Variants in KIF5C observed in about 807,000 individuals in gnomAD.
The protein encoded by KIF5C is kinesin family member 5C.
Under a neutral mutation model 125.2 loss-of-function variants are expected in KIF5C, and 18 were observed. That is an observed-to-expected ratio of 0.14 (90% CI 0.10 to 0.21). KIF5C has a LOEUF of 0.21. Among genes scored for constraint, KIF5C ranks in the 10% least tolerant of loss-of-function variants. KIF5C has a pLI of 1.00. For missense variants in KIF5C, 780 were observed against 1,183.8 expected, an observed-to-expected ratio of 0.66 and a Z score of 5.01; for synonymous variants, 405 against 434.0, an observed-to-expected ratio of 0.93 and a Z score of 0.83.
chr2:148,917,563 GGTTGGTGATGGT>G (rs927365824), intron 1 of KIF5C, among the ~76,000 whole-genome samples: 8 of 152,312 alleles, frequency 5.3e-5, no homozygotes, highest in Non-Finnish European at 1.2e-4. Context: ...GGGTCATCGT[GGTTGGTGATGGT>G]GTTGGTGACA....
At chr2:148,936,771 G>C (rs73966654) in intron 3 of KIF5C, among the ~76,000 whole-genome samples, 22,921 of 152,162 alleles carry the variant, frequency 0.15, 2,847 homozygotes, top group African/African-American at 0.33. Flanking sequence ...GTATTTTCTT[G>C]ATTGATCTGT....
chr2:148,980,955 C>T (rs973458318), intron 13 of KIF5C, among the ~76,000 whole-genome samples: 2 of 151,618 alleles, frequency 1.3e-5, no homozygotes, highest in Admixed American at 1.3e-4. Flanking sequence ...GGTAATCCAC[C>T]TGCCTCGGCC....
At position 148,876,183 on chromosome 2, in the gene KIF5C, TC is replaced by T. The variant is rs1188650381; in HGVS notation, c.126+441del. 6.6e-6 allele frequency among the ~76,000 whole-genome samples: 1 copy of T among 152,184 alleles called. No homozygotes were observed. Among genetic ancestry groups the T allele is most frequent in the African/African-American group, 2.4e-5 (1 of 41,432 alleles). ...TCGATTTACCAAACGCCTTGCCTCTTCTTCTCACGACCCTAGCAAAAAAGAA... is the reference window on the plus strand; with the variant it reads ...TCGATTTACCAAACGCCTTGCCTCTTTTCTCACGACCCTAGCAAAAAAGAA... On this transcript the variant is annotated intron_variant, in intron 1 of 25. Coordinates refer to ENST00000435030, the MANE Select transcript of KIF5C (RefSeq NM_004522.3). The surrounding 1 kb of genome is among the most constrained non-coding windows in gnomAD (Gnocchi z 4.7).
intron 10 of KIF5C, among the ~76,000 whole-genome samples, chr2:148,955,841 G>T (rs1265399693): frequency 6.6e-6 from 1 of 152,126 alleles, no homozygotes; most frequent in East Asian, 1.9e-4. Flanking sequence ...GTGTGCTGAA[G>T]GTGTGAGGTT....
At chr2:149,012,595 G>A (rs1347743712) in intron 25 of KIF5C, among the ~76,000 whole-genome samples, 1 of 152,240 alleles carries the variant, frequency 6.6e-6, no homozygotes, top group African/African-American at 2.4e-5. Context: ...CAGGGTCCCG[G>A]CATCGCCCAG....
chr2:148,933,150 C>T (rs1433615265), intron 3 of KIF5C, among the ~76,000 whole-genome samples: 6 of 152,092 alleles, frequency 3.9e-5, no homozygotes, highest in African/African-American at 1.2e-4. Flanking sequence ...TTCTCCCACT[C>T]GCCTTCTCCG....
At chr2:148,962,292 A>G (rs1245470120) in intron 11 of KIF5C, among the ~76,000 whole-genome samples, 173 bp downstream of exon 11, 2 of 151,444 alleles carry the variant, frequency 1.3e-5, no homozygotes, top group East Asian at 3.9e-4. Flanking sequence ...CAGCCTCCCG[A>G]GTAGCTGGGA....
rs1019938495 is a variant in KIF5C at position 149,011,559 on chromosome 2, G to C, written c.2768-11G>C. 1 of 1,613,818 alleles carries C rather than the reference G, an allele frequency of 6.2e-7. No individual in the cohort carries two copies. On this transcript the variant is annotated splice_polypyrimidine_tract_variant and intron_variant, in intron 24 of 25. Coordinates refer to ENST00000435030, the MANE Select transcript of KIF5C (RefSeq NM_004522.3). ...TGTCTGTTCTCTCTTCTTTCTGTTG[G>C]TTGGATACAGCCAAGCCCATCCGCC...
intron 4 of KIF5C, among the ~76,000 whole-genome samples, chr2:148,941,191 T>C (rs1042042576): frequency 6.6e-6 from 1 of 152,204 alleles, no homozygotes; most frequent in Non-Finnish European, 1.5e-5. Context: ...ACACTGCCCT[T>C]GCCCTCTCCT....
chr2:148,883,592 A>G (rs763055206), intron 1 of KIF5C: 2 of 152,130 alleles, frequency 1.3e-5, no homozygotes, highest in African/African-American at 2.4e-5. Flanking sequence ...TTCTTACAAC[A>G]CACTTTGTTT....
At position 149,000,431 on chromosome 2, in the gene KIF5C, A is replaced by G. The variant is rs770870633; in HGVS notation, c.2219A>G (p.Gln740Arg). 27 of 1,581,060 alleles carry G rather than the reference A, an allele frequency of 1.7e-5. 1 individual carries two copies. The South Asian group carries it at 3.1e-4, about 18-fold the overall frequency. ...KIIDEIRDLN[Q>R]KLQLEQEKLS... ...TTTCCTCTCAATTTCAGTTTGAATC[A>G]GAAACTGCAACTGGAACAGGAGAAG... Residue 740 changes from glutamine (Q) to arginine (R), a missense_variant, in exon 20 of 26, where the codon CAG becomes CGG. Around this residue, in one of 2 missense-constraint regions of KIF5C, gnomAD observed 573 missense variants for 742.6 expected, o/e 0.77. Transcript: ENST00000435030.
intron 1 of KIF5C, among the ~76,000 whole-genome samples, chr2:148,917,963 T>G (rs1396869541): frequency 6.6e-6 from 1 of 152,210 alleles, no homozygotes; most frequent in Non-Finnish European, 1.5e-5. Flanking sequence ...AACGTTTATG[T>G]GAATCTTTTG....
chr2:148,899,164 G>A (rs1330328611), intron 1 of KIF5C, among the ~76,000 whole-genome samples: 11 of 151,926 alleles, frequency 7.2e-5, no homozygotes, highest in Non-Finnish European at 8.8e-5. Context: ...TAGTTCTTTC[G>A]TCATCGAACA....
chr2:148,907,760 G>C (rs1681171168), intron 1 of KIF5C, among the ~76,000 whole-genome samples: 1 of 152,218 alleles, frequency 6.6e-6, no homozygotes, highest in Admixed American at 6.5e-5. Flanking sequence ...CCTGAAGGAA[G>C]GTGAGGGGCA....
intron 1 of KIF5C, among the ~76,000 whole-genome samples, chr2:148,920,013 G>A (rs1423661575): frequency 6.6e-6 from 1 of 152,188 alleles, no homozygotes; most frequent in African/African-American, 2.4e-5. Context: ...GAGGAATAGA[G>A]ATTTCTTGCT....
chr2:148,954,016 G>C (rs1181345129), intron 10 of KIF5C, among the ~76,000 whole-genome samples: 1 of 152,032 alleles, frequency 6.6e-6, no homozygotes, highest in Non-Finnish European at 1.5e-5. Context: ...TTCTCCTAAT[G>C]CTATCCCTCC....
intron 3 of KIF5C, among the ~76,000 whole-genome samples, chr2:148,930,711 C>T (rs1049066280): frequency 1.3e-5 from 2 of 152,180 alleles, no homozygotes; most frequent in African/African-American, 4.8e-5. Context: ...GGTGTTGACT[C>T]TCTTTCACCT....
rs555029359 is a variant in KIF5C, at chr2:148,976,789, C to T, written c.1294-2133C>T. ...AGAGACGGAGATTTGCCATGTTGCT[C>T]AGGCTGGTCTCGGACTCCTGGGCTC... On this transcript the variant is annotated intron_variant, in intron 12 of 25. Coordinates refer to ENST00000435030, the MANE Select transcript of KIF5C (RefSeq NM_004522.3). 4.6e-5 allele frequency among the ~76,000 whole-genome samples: 7 copies of T among 151,124 alleles called. No homozygotes were observed. In the South Asian group the frequency reaches 1.5e-3, roughly 32 times the overall value.
chr2:148,998,418 A>G lies in KIF5C; in HGVS notation c.2119A>G (p.Met707Val). 1.3e-6 allele frequency: 2 copies of G among 1,564,462 alleles called. No homozygotes were observed. Among genetic ancestry groups the G allele is most frequent in the Non-Finnish European group, 1.7e-6 (2 of 1,154,330 alleles). The stretch of plus-strand genomic sequence containing the variant: ...GATGCAGAAGGCGCTGGAGCAGCAG[A>G]TGGAGAGCCACCGGGAAGCTCACCA... The part of the protein sequence containing the change: ...EEMKKALEQQ[M>V]ESHREAHQKQ... The change falls in exon 19 of 26, where the codon ATG becomes GTG. Residue 707 changes from methionine (M) to valine (V), a missense_variant. Physicochemically the swap from Met to Val is conservative, Grantham distance 21 (BLOSUM62 1). Around this residue, in one of 2 missense-constraint regions of KIF5C, gnomAD observed 573 missense variants for 742.6 expected, o/e 0.77. Transcript: ENST00000435030.
Sources: allele counts gnomAD v4.1 joint callset (sites outside exome capture counted in the v4.1 genomes callset), GRCh38; gene constraint gnomAD v4.1.1; regional missense constraint gnomAD v4.1.1; non-coding constraint Gnocchi (gnomAD v3.1); transcripts MANE v1.5; gene names NCBI Gene and HGNC (gene_info 2026-07-23, HGNC 2026-07-21).